PPFIA1: variants seen among roughly 807,000 people sequenced by gnomAD.
PPFIA1 encodes PPFI scaffold protein A1.
Under a neutral mutation model 149.9 loss-of-function variants are expected in PPFIA1, and 25 were observed. That is an observed-to-expected ratio of 0.17 (90% CI 0.12 to 0.23). The LOEUF is 0.23. Among genes scored for constraint, PPFIA1 ranks in the 10% least tolerant of loss-of-function variants. The pLI, the probability that PPFIA1 is intolerant of heterozygous loss-of-function variation, is 1.00. For synonymous variants in PPFIA1, 549 were observed against 552.8 expected (o/e 0.99, Z 0.10); for missense variants, 1,362 against 1,506.5 (o/e 0.90, Z 1.59).
Position 70,345,268 on chromosome 11 carries a change from G to A in PPFIA1, c.1931+1376G>A, listed in dbSNP as rs1209205960. Among the ~76,000 whole-genome samples, 3 of 148,358 alleles carry A rather than the reference G, an allele frequency of 2.0e-5. No individual in the cohort carries two copies. The Admixed American group carries it at 2.0e-4, about 10-fold the overall frequency. ...GTGGACATATTTTTAAACGATCCCT[G>A]TACGTCAGATGGTAATAAGCATGGA... On this transcript the variant is annotated intron_variant, in intron 15 of 27. Transcript: ENST00000253925.
chr11:70,297,991 A>G (rs1022031683), intron 2 of PPFIA1, among the ~76,000 whole-genome samples: 1 of 152,224 alleles, frequency 6.6e-6, no homozygotes, highest in Non-Finnish European at 1.5e-5. Flanking sequence ...GCAGTTTCGC[A>G]TTCGCTTACA....
In PPFIA1 at chr11:70,374,701, G is replaced by T. The variant is rs773689271; in HGVS notation, c.3140-217G>T. Reference sequence around the variant, plus strand: ...CCTCTCGTGCTCACTGGAAGGATGAGTTCTAATGGGAGAGTCTCCCTGAGA... The same window carrying T: ...CCTCTCGTGCTCACTGGAAGGATGATTTCTAATGGGAGAGTCTCCCTGAGA... On this transcript the variant is annotated intron_variant, in intron 23 of 27. Transcript: ENST00000253925. 6 of 517,386 alleles carry T rather than the reference G, an allele frequency of 1.2e-5. No homozygotes were observed. The Admixed American group carries it at 1.2e-4, about 10-fold the overall frequency. The allele number at this position is 517,386 out of a possible 1,614,324, so 32.0% of individuals were successfully genotyped here. A position where few individuals can be genotyped will look rare whatever the true frequency, so the allele number is the denominator to read the frequency against.
intron 2 of PPFIA1, among the ~76,000 whole-genome samples, chr11:70,285,886 A>G (rs1024471074): frequency 6.6e-6 from 1 of 152,178 alleles, no homozygotes; most frequent in African/African-American, 2.4e-5. Context: ...TTCCATAGGT[A>G]AAAAGGGTTA....
intron 6 of PPFIA1, 108 bp downstream of exon 6, chr11:70,326,471 T>C: frequency 7.9e-7 from 1 of 1,273,350 alleles, no homozygotes; most frequent in Non-Finnish European, 1.1e-6. Context: ...GCTGAAGTGG[T>C]CATGAAAGTT....
At chr11:70,314,191 G>A (rs1041222586) in intron 2 of PPFIA1, among the ~76,000 whole-genome samples, 1 of 152,298 alleles carries the variant, frequency 6.6e-6, no homozygotes, top group African/African-American at 2.4e-5. Flanking sequence ...AGGGTGAGGT[G>A]AAGAGATGGG....
chr11:70,296,288 G>A (rs1486949596), intron 2 of PPFIA1, among the ~76,000 whole-genome samples: 3 of 152,082 alleles, frequency 2.0e-5, no homozygotes, highest in Non-Finnish European at 4.4e-5. Flanking sequence ...GTGGCGGCCG[G>A]GCAGAGGCTG....
intron 1 of PPFIA1, among the ~76,000 whole-genome samples, chr11:70,271,544 C>G (rs2050092836): frequency 6.6e-6 from 1 of 151,802 alleles, no homozygotes; most frequent in African/African-American, 2.4e-5. Context: ...TGTAAACTTA[C>G]GTAAGTTAGG....
Position 70,316,061 on chromosome 11 carries a change from T to C in PPFIA1, c.265-8341T>C, listed in dbSNP as rs546312141. On this transcript the variant is annotated intron_variant, in intron 2 of 27. Coordinates refer to ENST00000253925, the MANE Select transcript of PPFIA1 (RefSeq NM_003626.5). The stretch of plus-strand genomic sequence containing the variant: ...ATTGTATTATGTGTCAGAATTTCCT[T>C]CCTTTTTTTTTAAATTTTTTTTTCT... Among the ~76,000 whole-genome samples the C allele has an allele frequency of 8.5e-5, 13 of 152,158 alleles. No individual in the cohort carries two copies. The South Asian group carries it at 2.5e-3, about 29-fold the overall frequency.
chr11:70,304,971 C>G (rs1037872953), intron 2 of PPFIA1, among the ~76,000 whole-genome samples: 6 of 152,202 alleles, frequency 3.9e-5, no homozygotes, highest in African/African-American at 1.4e-4. Flanking sequence ...GGCACCCCTC[C>G]TGTCACCTGC....
At chr11:70,366,942 C>T (rs906015727) in intron 21 of PPFIA1, among the ~76,000 whole-genome samples, 2 of 152,038 alleles carry the variant, frequency 1.3e-5, no homozygotes, top group African/African-American at 2.4e-5. Context: ...CTGTGCCTCT[C>T]CTCCAGATAA....
chr11:70,297,863 A>T (rs1591106334), intron 2 of PPFIA1, among the ~76,000 whole-genome samples: 1 of 152,188 alleles, frequency 6.6e-6, no homozygotes, highest in African/African-American at 2.4e-5. Context: ...GCTTTTCCTC[A>T]AGAGTGGACC....
At chr11:70,335,775 G>T (rs2054935631) in intron 11 of PPFIA1, 81 bp downstream of exon 11, 1 of 1,516,228 alleles carries the variant, frequency 6.6e-7, no homozygotes, top group African/African-American at 1.4e-5. Flanking sequence ...GCAGGCGTGT[G>T]TAACAGTGGT....
In PPFIA1 at chr11:70,362,217, A is replaced by ATG. The variant is rs767568996; in HGVS notation, c.2664+44_2664+45dup. The ATG allele has an allele frequency of 7.4e-6, 12 of 1,612,302 alleles. No individual in the cohort carries two copies. The African/African-American group carries it at 1.6e-4, about 22-fold the overall frequency. ...AACATGCAGTTGCGTGGGTTACAGT[A>ATG]TGTGAACTTACTGTTCTACTTTGTA... On this transcript the variant is annotated intron_variant, in intron 20 of 27. Coordinates refer to ENST00000253925, the MANE Select transcript of PPFIA1 (RefSeq NM_003626.5).
At chr11:70,363,653 AC>A (rs750260691) in intron 21 of PPFIA1, among the ~76,000 whole-genome samples, 1 of 152,096 alleles carries the variant, frequency 6.6e-6, no homozygotes, top group Non-Finnish European at 1.5e-5. Context: ...AGTTGGGACT[AC>A]AGGTGTGCAC....
intron 16 of PPFIA1, chr11:70,350,951 A>G: frequency 2.5e-6 from 3 of 1,191,332 alleles, no homozygotes; most frequent in Non-Finnish European, 2.2e-6. Context: ...AAGTGTATAT[A>G]GTAAATCTGG....
intron 2 of PPFIA1, among the ~76,000 whole-genome samples, chr11:70,309,997 G>T (rs1475170138): frequency 6.6e-6 from 1 of 152,138 alleles, no homozygotes; most frequent in Non-Finnish European, 1.5e-5. Flanking sequence ...TTAGGATGGA[G>T]AATTTTATGT....
At chr11:70,342,541 G>A (rs1440669447) in intron 14 of PPFIA1, among the ~76,000 whole-genome samples, 1 of 152,206 alleles carries the variant, frequency 6.6e-6, no homozygotes, top group Non-Finnish European at 1.5e-5. Context: ...CCATTCTTGA[G>A]GTTGCCCTTG....
chr11:70,306,320 A>G (rs898812309), intron 2 of PPFIA1, among the ~76,000 whole-genome samples: 20 of 152,216 alleles, frequency 1.3e-4, no homozygotes, highest in Non-Finnish European at 2.5e-4. Flanking sequence ...ACTGTAATTT[A>G]TAACATTAAA....
At chr11:70,300,952 C>A (rs1212601283) in intron 2 of PPFIA1, among the ~76,000 whole-genome samples, 1 of 152,340 alleles carries the variant, frequency 6.6e-6, no homozygotes, top group East Asian at 1.9e-4. Context: ...GTGAGGCCAG[C>A]ATGATTCTCT....
Sources: gnomAD v4.1 joint callset for allele counts (sites outside exome capture counted in the v4.1 genomes callset) on GRCh38, gnomAD v4.1.1 for gene constraint, MANE v1.5 for transcripts, NCBI Gene and HGNC (gene_info 2026-07-23, HGNC 2026-07-21) for gene names.